Variants in DSCAML1 observed in about 807,000 individuals in gnomAD.
DSCAML1 encodes the protein cell adhesion molecule DSCAML1.
A neutral mutation model predicts 200.5 loss-of-function variants in DSCAML1; 38 were observed. The ratio of observed to expected loss-of-function variants is 0.19; its 90% CI spans 0.15 to 0.25. The LOEUF (loss-of-function observed/expected upper bound fraction) is 0.25, where lower values mean the gene tolerates loss of function less well. Ranked by LOEUF, DSCAML1 falls within the 10% of genes least tolerant of loss-of-function variation. DSCAML1 has a pLI of 1.00. For missense variants in DSCAML1, 2,223 were observed against 2,858.8 expected, an observed-to-expected ratio of 0.78 and a Z score of 5.07; for synonymous variants, 1,215 against 1,165.0, an observed-to-expected ratio of 1.04 and a Z score of -0.87.
At chr11:117,479,718 G>T (rs972919225) in intron 14 of DSCAML1, among the ~76,000 whole-genome samples, 1 of 152,054 alleles carries the variant, frequency 6.6e-6, no homozygotes, top group African/African-American at 2.4e-5. Context: ...GCACGATCTT[G>T]GTTCACTGCA....
At chr11:117,574,234 C>A (rs76959909) in intron 3 of DSCAML1, among the ~76,000 whole-genome samples, 12,198 of 152,304 alleles carry the variant, frequency 0.08, 549 homozygotes, top group Middle Eastern at 0.14. Context: ...CATTTAGAGG[C>A]AGGGGAAGGA....
At position 117,435,808 on chromosome 11, in the gene DSCAML1, G is replaced by GGGCAAAGAA; in HGVS notation, c.4721-18_4721-10dup. The GGGCAAAGAA allele has an allele frequency of 6.3e-7, 1 of 1,598,842 alleles. No individual in the cohort carries two copies. On this transcript the variant is annotated splice_polypyrimidine_tract_variant and intron_variant, in intron 26 of 32. Coordinates refer to ENST00000651296, the MANE Select transcript of DSCAML1 (RefSeq NM_020693.4). ...GATGGGTGGAATGGTGCCTGAATGA[G>GGGCAAAGAA]GGCAAAGAATAGAATTAGATGTCCC...
At chr11:117,684,435 T>TAAAAA (rs149958154) in intron 3 of DSCAML1, among the ~76,000 whole-genome samples, 92 of 74,384 alleles carry the variant, frequency 1.2e-3, no homozygotes, top group Middle Eastern at 9.8e-3. Flanking sequence ...TTTCATTAAC[T>TAAAAA]AAAAAAAAAA....
In DSCAML1 at chr11:117,617,963, C is replaced by T. The variant is rs116636633; in HGVS notation, c.512-85441G>A. ...ACCATGCAGGACAACACCACCTGAG[C>T]ACTTGGCAAAGACTCGTAATAAACT... On this transcript the variant is annotated intron_variant, in intron 3 of 32. Coordinates refer to ENST00000651296, the MANE Select transcript of DSCAML1 (RefSeq NM_020693.4). Among the ~76,000 whole-genome samples, 1,097 of 152,278 alleles carry T rather than the reference C, an allele frequency of 7.2e-3. 13 individuals are homozygous for T. The highest frequency in any genetic ancestry group is 0.024 in the African/African-American group (1,012 of 41,546).
At position 117,481,216 on chromosome 11, in the gene DSCAML1, A is replaced by C; in HGVS notation, c.2614T>G (p.Ser872Ala). The C allele has an allele frequency of 6.2e-7, 1 of 1,613,810 alleles. No homozygotes were observed. The highest frequency in any genetic ancestry group is 1.1e-5 in the South Asian group (1 of 91,066). ...SVFFSCHAIN[S>A]YGEDRGLIQL... ...ATCAAGCCCCGGTCCTCCCCATACG[A>C]GTTGATGGCATGGCAGCTGAAGAAC... is the stretch of plus-strand genomic sequence containing the variant. Residue 872 changes from serine (S) to alanine (A), a missense_variant, in exon 13 of 33, where the codon TCG (serine) becomes GCG (alanine). Ser to Ala is a moderately conservative substitution (Grantham distance 99). Transcript: ENST00000651296.
chr11:117,649,634 C>T (rs748445808), intron 3 of DSCAML1, among the ~76,000 whole-genome samples: 2 of 152,172 alleles, frequency 1.3e-5, no homozygotes, highest in Non-Finnish European at 2.9e-5. Flanking sequence ...GGGCTCGTCC[C>T]TACCAAACCC....
At chr11:117,812,911 G>GT (rs1268446738) in intron 1 of DSCAML1, among the ~76,000 whole-genome samples, 3 of 151,784 alleles carry the variant, frequency 2.0e-5, no homozygotes, top group Admixed American at 2.0e-4. Context: ...TCATGTCTGC[G>GT]TGCAGCGGCT....
intron 1 of DSCAML1, among the ~76,000 whole-genome samples, chr11:117,787,730 T>C (rs1229670020): frequency 2.0e-5 from 3 of 152,152 alleles, no homozygotes; most frequent in African/African-American, 4.8e-5. Context: ...AAAACAACAG[T>C]GGTAGAATCA....
chr11:117,661,732 C>T (rs2052857821), intron 3 of DSCAML1, among the ~76,000 whole-genome samples: 1 of 152,198 alleles, frequency 6.6e-6, no homozygotes, highest in Non-Finnish European at 1.5e-5. Context: ...GGGCACCTCT[C>T]TCTCATTTTC....
At chr11:117,744,712 T>C (rs1358639219) in intron 3 of DSCAML1, among the ~76,000 whole-genome samples, 1 of 152,172 alleles carries the variant, frequency 6.6e-6, no homozygotes, top group East Asian at 1.9e-4. Context: ...CAACCTATTC[T>C]GGCCTGAGCC....
At chr11:117,492,067 C>T (rs1372980383) in intron 11 of DSCAML1, among the ~76,000 whole-genome samples, 1 of 152,144 alleles carries the variant, frequency 6.6e-6, no homozygotes, top group African/African-American at 2.4e-5. Flanking sequence ...TACCCTGCCC[C>T]CCAGGCTCTG....
chr11:117,659,913 T>G (rs2052809283), intron 3 of DSCAML1, among the ~76,000 whole-genome samples: 1 of 152,018 alleles, frequency 6.6e-6, no homozygotes, highest in South Asian at 2.1e-4. Context: ...TAGTAGAGAC[T>G]GGGTTTTACC....
In DSCAML1 at chr11:117,516,204, C is replaced by G. The variant is rs1219884475; in HGVS notation, c.1783+263G>C. On this transcript the variant is annotated intron_variant, in intron 8 of 32. Coordinates refer to ENST00000651296, the MANE Select transcript of DSCAML1 (RefSeq NM_020693.4). The surrounding 1 kb of genome is among the most constrained non-coding windows in gnomAD (Gnocchi z 5.7). ...GGCAGCCTGCCTCCTTTATCTGTAA[C>G]TCACCCTCTCATGCACCTGGGGTGT... Among the ~76,000 whole-genome samples, 2 of 152,196 alleles carry G rather than the reference C, an allele frequency of 1.3e-5. No homozygotes were observed. Among genetic ancestry groups the G allele is most frequent in the African/African-American group, 4.8e-5 (2 of 41,450 alleles).
intron 3 of DSCAML1, among the ~76,000 whole-genome samples, chr11:117,659,719 ATT>A (rs35180954): frequency 9.6e-5 from 14 of 145,486 alleles, no homozygotes; most frequent in South Asian, 4.4e-4. Flanking sequence ...TGCCTCACAC[ATT>A]TTTTTTTTTT....
At chr11:117,747,476 C>T (rs2054536496) in intron 3 of DSCAML1, among the ~76,000 whole-genome samples, 1 of 152,174 alleles carries the variant, frequency 6.6e-6, no homozygotes, top group Non-Finnish European at 1.5e-5. Context: ...CTCAATCACG[C>T]ACCACCAGCA....
intron 3 of DSCAML1, among the ~76,000 whole-genome samples, chr11:117,694,051 C>T (rs2053542226): frequency 8.4e-6 from 1 of 119,042 alleles, no homozygotes; most frequent in African/African-American, 3.0e-5. Flanking sequence ...TTTTTAGGTT[C>T]TATCTTTATA....
intron 27 of DSCAML1, among the ~76,000 whole-genome samples, chr11:117,434,974 G>C (rs376231097): frequency 6.6e-6 from 1 of 152,230 alleles, no homozygotes; most frequent in African/African-American, 2.4e-5. Flanking sequence ...GTAAGAGTAT[G>C]GCTTGGCCGT....
At position 117,578,730 on chromosome 11, in the gene DSCAML1, C is replaced by T. The variant is rs561665995; in HGVS notation, c.512-46208G>A. On this transcript the variant is annotated intron_variant, in intron 3 of 32. Coordinates refer to ENST00000651296, the MANE Select transcript of DSCAML1 (RefSeq NM_020693.4). ...TTGGTGTGCCCCAAGGTCCTAAGCT[C>T]CCTCTACTATCTAGACTCTCTCCTA... Among the ~76,000 whole-genome samples the T allele has an allele frequency of 9.9e-5, 15 of 152,226 alleles. No individual in the cohort carries two copies. The South Asian group carries it at 3.1e-3, about 32-fold the overall frequency.
chr11:117,435,802 G>A lies in DSCAML1; in HGVS notation c.4721-3C>T. 1 of 1,602,322 alleles carries A rather than the reference G, an allele frequency of 6.2e-7. No homozygotes were observed. The highest frequency in any genetic ancestry group is 8.5e-7 in the Non-Finnish European group (1 of 1,170,458). On this transcript the variant is annotated splice_polypyrimidine_tract_variant and splice_region_variant and intron_variant, in intron 26 of 32. Transcript: ENST00000651296. ...AGACTTGATGGGTGGAATGGTGCCT[G>A]AATGAGGGCAAAGAATAGAATTAGA...
Sources: gnomAD v4.1 joint callset for allele counts (sites outside exome capture counted in the v4.1 genomes callset) on GRCh38, gnomAD v4.1.1 for gene constraint, Gnocchi (gnomAD v3.1) non-coding constraint, MANE v1.5 for transcripts, NCBI Gene and HGNC (gene_info 2026-07-23, HGNC 2026-07-21) for gene names.